Variants in FAAH2 observed in about 807,000 individuals in gnomAD.
FAAH2 encodes the protein fatty-acid amide hydrolase 2.
FAAH2 carries 60 observed loss-of-function variants against 36.9 expected under a neutral mutation model. That is an observed-to-expected ratio of 1.63 (90% CI 1.32 to 2.02). The LOEUF (loss-of-function observed/expected upper bound fraction) is 2.02, where lower values mean the gene tolerates loss of function less well. Among genes scored for constraint, FAAH2 ranks in the 30% most tolerant of loss-of-function variants. The pLI is 0.00. For synonymous variants in FAAH2, 214 were observed against 143.8 expected (o/e 1.49, Z -3.49); for missense variants, 689 against 397.5 (o/e 1.73, Z -6.23).
the FAAH2 span, among the ~76,000 whole-genome samples, chrX:57,182,212 G>C: frequency 8.9e-6 from 1 of 112,351 alleles, no homozygotes. Context: ...GAAAGCAATT[G>C]CAACAAAAGC....
At chrX:57,259,789 A>G in the FAAH2 span, among the ~76,000 whole-genome samples, 3 of 112,123 alleles carry the variant, frequency 2.7e-5, no homozygotes, top group African/African-American at 6.5e-5. Flanking sequence ...ACCACATTGT[A>G]TACCTTGAAT....
At chrX:57,294,268 T>C (rs754350087) in intron 2 of FAAH2, among the ~76,000 whole-genome samples, 3 of 112,324 alleles carry the variant, frequency 2.7e-5, no homozygotes, top group African/African-American at 9.7e-5. Flanking sequence ...CACTAAAACT[T>C]ACTCTCAAGG....
At chrX:57,283,588 A>C (rs537387851), upstream of FAAH2, among the ~76,000 whole-genome samples, 55 of 111,250 alleles carry the variant, frequency 4.9e-4, no homozygotes, top group South Asian at 0.02. Flanking sequence ...ATACAAAGCC[A>C]CTAGCAGAGG....
At chrX:57,221,729 CT>C in the FAAH2 span, among the ~76,000 whole-genome samples, 48 of 110,654 alleles carry the variant, frequency 4.3e-4, no homozygotes, top group African/African-American at 1.5e-3. Flanking sequence ...CTAAAGGATG[CT>C]TTTTTTTCAT....
chrX:57,164,625 A>G, the FAAH2 span, among the ~76,000 whole-genome samples: 1 of 112,544 alleles, frequency 8.9e-6, no homozygotes, highest in South Asian at 3.7e-4. Context: ...ACAGGAAATG[A>G]TTCAAATGCA....
At chrX:57,471,569 A>G (rs1290078732) in intron 10 of FAAH2, among the ~76,000 whole-genome samples, 1 of 111,753 alleles carries the variant, frequency 8.9e-6, no homozygotes, top group African/African-American at 3.3e-5. Context: ...AGAACTACAA[A>G]CCACTGCTCA....
At chrX:57,408,535 C>CTATTTATT (rs200375559) in intron 7 of FAAH2, among the ~76,000 whole-genome samples, 4,836 of 101,886 alleles carry the variant, frequency 0.047, 103 homozygotes, top group East Asian at 0.078. Flanking sequence ...AATTTGCATG[C>CTATTTATT]TATTTATTTA....
chrX:57,359,282 C>A (rs951993948), intron 5 of FAAH2, among the ~76,000 whole-genome samples: 2 of 111,237 alleles, frequency 1.8e-5, no homozygotes, highest in Non-Finnish European at 3.8e-5. Flanking sequence ...TACATACCAA[C>A]CTGTTTATAT....
At chrX:57,200,594 G>T in the FAAH2 span, among the ~76,000 whole-genome samples, 29 of 109,918 alleles carry the variant, frequency 2.6e-4, no homozygotes, top group Non-Finnish European at 4.9e-4. Flanking sequence ...GGCCAGGATG[G>T]TCTTGATCTC....
chrX:57,394,922 C>T, intron 7 of FAAH2: 1 of 669,403 alleles, frequency 1.5e-6, no homozygotes, highest in Non-Finnish European at 2.5e-6. Flanking sequence ...CACAGCATGC[C>T]TTCTGGCAAT....
intron 10 of FAAH2, among the ~76,000 whole-genome samples, chrX:57,456,400 C>T (rs2056866130): frequency 9.0e-6 from 1 of 111,186 alleles, no homozygotes; most frequent in South Asian, 3.8e-4. Context: ...GAAAAAAGAA[C>T]ATCCAACTCC....
At chrX:57,211,744 G>T in the FAAH2 span, among the ~76,000 whole-genome samples, 2 of 111,770 alleles carry the variant, frequency 1.8e-5, no homozygotes, top group East Asian at 5.7e-4. Context: ...GAGGACTTGA[G>T]ACTGCTCACC....
At chrX:57,205,089 A>C in the FAAH2 span, among the ~76,000 whole-genome samples, 1 of 112,549 alleles carries the variant, frequency 8.9e-6, no homozygotes, top group Non-Finnish European at 1.9e-5. Flanking sequence ...ATACCTGTAC[A>C]TAAGCTAGTC....
At chrX:57,448,095 T>A (rs1322840358) in intron 9 of FAAH2, among the ~76,000 whole-genome samples, 1 of 111,298 alleles carries the variant, frequency 9.0e-6, no homozygotes, top group African/African-American at 3.3e-5. Flanking sequence ...GCTAAAGCAA[T>A]CCTCCTGCCT....
the FAAH2 span, among the ~76,000 whole-genome samples, chrX:57,276,249 A>T: frequency 8.9e-6 from 1 of 112,345 alleles, no homozygotes; most frequent in African/African-American, 3.2e-5. Context: ...CCATCAAGTT[A>T]GAATTCGGGA....
intron 10 of FAAH2, among the ~76,000 whole-genome samples, chrX:57,476,721 C>T (rs1017774443): frequency 3.6e-5 from 4 of 111,221 alleles, no homozygotes; most frequent in African/African-American, 9.8e-5. Context: ...AAGGAGGAGG[C>T]CTTCTTATTC....
chrX:57,306,730 GTATATA>G (rs1248670072), intron 2 of FAAH2, among the ~76,000 whole-genome samples: 2 of 28,673 alleles, frequency 7.0e-5, no homozygotes, highest in Non-Finnish European at 1.1e-4. Context: ...GTGTGTGTGT[GTATATA>G]TATACACACA....
At chrX:57,421,220 C>T (rs765340954) in intron 7 of FAAH2, among the ~76,000 whole-genome samples, 24 of 111,819 alleles carry the variant, frequency 2.1e-4, no homozygotes, top group African/African-American at 5.8e-4. Context: ...CCAAGGCAGG[C>T]GGATCACAAG....
intron 5 of FAAH2, among the ~76,000 whole-genome samples, chrX:57,372,953 G>T (rs938219420): frequency 9.1e-6 from 1 of 110,267 alleles, no homozygotes; most frequent in African/African-American, 3.3e-5. Flanking sequence ...TAGCTTCCAC[G>T]TATGAGTGAA....
Sources: allele counts gnomAD v4.1 joint callset (sites outside exome capture counted in the v4.1 genomes callset), GRCh38; gene constraint gnomAD v4.1.1; transcripts MANE v1.5; gene names NCBI Gene and HGNC (gene_info 2026-07-23, HGNC 2026-07-21).